SUGT1: variants seen among roughly 807,000 people sequenced by gnomAD.
SUGT1 encodes SGT1 assembly cochaperone of MIS12 kinetochore complex.
SUGT1 carries 15 observed loss-of-function variants against 56.1 expected under a neutral mutation model. That is an observed-to-expected ratio of 0.27 (90% CI 0.18 to 0.41). The LOEUF (loss-of-function observed/expected upper bound fraction) is 0.41. Among genes scored for constraint, SUGT1 ranks in the 10% least tolerant of loss-of-function variants. The pLI is 1.00. For synonymous variants in SUGT1, 123 were observed against 128.6 expected, an observed-to-expected ratio of 0.96 and a Z score of 0.30; for missense variants, 347 against 382.2, an observed-to-expected ratio of 0.91 and a Z score of 0.77.
rs1963907799 is a variant in SUGT1 at position 52,695,651 on chromosome 13, T to C, written c.*7816T>C. 6.6e-6 allele frequency: 1 copy of C among 152,238 alleles called. No individual in the cohort carries two copies. Among genetic ancestry groups the C allele is most frequent in the Non-Finnish European group, 1.5e-5 (1 of 68,044 alleles). The allele number at this position is 152,238 out of a possible 1,614,324, so 9.4% of individuals were successfully genotyped here. ...ACCTGCTATTCAAGAGTTTTCAGAA[T>C]TCAACCCCAGCCAAAATTTTTGGCC... On this transcript the variant is annotated 3_prime_UTR_variant, in exon 13 of 13. Transcript: ENST00000310528.
At chr13:52,658,149 A>G in intron 3 of SUGT1, 1 of 1,415,766 alleles carries the variant, frequency 7.1e-7, no homozygotes, top group Non-Finnish European at 9.2e-7. Flanking sequence ...TTAATGAGAC[A>G]AGGAGGTGAA....
intron 5 of SUGT1, 85 bp from the exon 6 acceptor site, chr13:52,662,564 T>A (rs1260988130): frequency 2.1e-6 from 3 of 1,434,806 alleles, no homozygotes; most frequent in Non-Finnish European, 2.9e-6. Context: ...GAACACTGCC[T>A]GGGATGTAGT....
chr13:52,660,275 T>C (rs2138115228), intron 5 of SUGT1, among the ~76,000 whole-genome samples: 1 of 152,344 alleles, frequency 6.6e-6, no homozygotes, highest in South Asian at 2.1e-4. Flanking sequence ...AAGTGGTTCT[T>C]AACTGGAAAC....
At position 52,696,159 on chromosome 13, in the gene SUGT1, A is replaced by G. The variant is rs145813333; in HGVS notation, c.*8324A>G. 4 of 152,398 alleles carry G rather than the reference A, an allele frequency of 2.6e-5. No homozygotes were observed. The East Asian group carries it at 7.7e-4, about 29-fold the overall frequency. The allele number at this position is 152,398 out of a possible 1,614,324, so 9.4% of individuals were successfully genotyped here. ...GGCGCGGTCTAGCTTCCATCTTTGT[A>G]TGTGTAGCACCTGGTACATAGAGAA... On this transcript the variant is annotated 3_prime_UTR_variant, in exon 13 of 13. Coordinates refer to ENST00000310528, the MANE Select transcript of SUGT1 (RefSeq NM_006704.5).
intron 2 of SUGT1, among the ~76,000 whole-genome samples, chr13:52,656,896 C>T (rs925398176): frequency 5.3e-5 from 8 of 152,284 alleles, no homozygotes; most frequent in African/African-American, 1.9e-4. Flanking sequence ...GCTACCACAC[C>T]TATATGTTGT....
rs1181921275 is a variant in SUGT1, at chr13:52,695,220, C to A, written c.*7385C>A. ...ATGAGCTTAGGCTGAGGATATATAT[C>A]CAGTGGGGGATGAAACATGCTTAAG... is the stretch of plus-strand genomic sequence containing the variant. On this transcript the variant is annotated 3_prime_UTR_variant, in exon 13 of 13. Transcript: ENST00000310528. 6.6e-6 allele frequency: 1 copy of A among 152,056 alleles called. No homozygotes were observed. 9.4% of individuals were successfully genotyped at this position (152,056 alleles called of 1,614,324 possible). A position where few individuals can be genotyped will look rare whatever the true frequency, so the allele number is the denominator to read the frequency against.
Position 52,691,437 on chromosome 13 carries a change from T to C in SUGT1, c.*3602T>C, listed in dbSNP as rs1239908336. On this transcript the variant is annotated 3_prime_UTR_variant, in exon 13 of 13. Coordinates refer to ENST00000310528, the MANE Select transcript of SUGT1 (RefSeq NM_006704.5). Reference sequence around the variant, plus strand: ...TATTCCTTCCTCAGTTATCTACATATCAGATTAGATTATTGATATCTGAGA... The same window carrying C: ...TATTCCTTCCTCAGTTATCTACATACCAGATTAGATTATTGATATCTGAGA... The C allele has an allele frequency of 1.3e-5, 2 of 152,220 alleles. No homozygotes were observed. Among genetic ancestry groups the C allele is most frequent in the Non-Finnish European group, 2.9e-5 (2 of 68,036 alleles). 9.4% of individuals were successfully genotyped at this position (152,220 alleles called of 1,614,324 possible). A position where few individuals can be genotyped will look rare whatever the true frequency, so the allele number is the denominator to read the frequency against.
At chr13:52,669,129 C>T (rs566439960) in intron 10 of SUGT1, among the ~76,000 whole-genome samples, 4 of 152,232 alleles carry the variant, frequency 2.6e-5, no homozygotes, top group South Asian at 2.1e-4. Flanking sequence ...TGCTAAGTGA[C>T]GACTTTTCTT....
chr13:52,676,153 G>A (rs1042731220), intron 10 of SUGT1, 77 bp from the exon 11 acceptor site: 4 of 1,156,112 alleles, frequency 3.5e-6, no homozygotes, highest in Non-Finnish European at 4.9e-6. Context: ...AAACTTTGAT[G>A]ACTTAAGAAA....
At chr13:52,667,116 C>CT (rs1566183672) in intron 10 of SUGT1, among the ~76,000 whole-genome samples, 197 bp downstream of exon 10, 1 of 152,082 alleles carries the variant, frequency 6.6e-6, no homozygotes, top group African/African-American at 2.4e-5. Flanking sequence ...TAAAAATCCA[C>CT]TTAGAGTGTG....
intron 2 of SUGT1, among the ~76,000 whole-genome samples, chr13:52,654,579 C>T (rs1962069743): frequency 6.6e-6 from 1 of 152,176 alleles, no homozygotes; most frequent in South Asian, 2.1e-4. Flanking sequence ...CTCCTTAATG[C>T]GCCTTCTCAG....
In SUGT1 at chr13:52,688,660, G is replaced by A. The variant is rs767570876; in HGVS notation, c.*825G>A. On this transcript the variant is annotated 3_prime_UTR_variant, in exon 13 of 13. Transcript: ENST00000310528. Reference sequence around the variant, plus strand: ...TCCCCATGATTACTTTGGTTTCATTGGTTTATGGTAACTGCTGTGAGAGTA... The same window carrying A: ...TCCCCATGATTACTTTGGTTTCATTAGTTTATGGTAACTGCTGTGAGAGTA... 2 of 151,960 alleles carry A rather than the reference G, an allele frequency of 1.3e-5. No homozygotes were observed. The highest frequency in any genetic ancestry group is 2.9e-5 in the Non-Finnish European group (2 of 68,006). 9.4% of individuals were successfully genotyped at this position (151,960 alleles called of 1,614,324 possible).
intron 2 of SUGT1, among the ~76,000 whole-genome samples, chr13:52,655,117 A>G (rs1898283): frequency 0.99 from 151,198 of 152,322 alleles, 75,042 homozygotes; most frequent in East Asian, 1. Context: ...AGGCCGAGGC[A>G]GGCGGATCAC....
chr13:52,680,224 A>G, intron 12 of SUGT1, 69 bp downstream of exon 12: 2 of 1,445,370 alleles, frequency 1.4e-6, no homozygotes, highest in Non-Finnish European at 1.9e-6. Flanking sequence ...GAAAATTGGT[A>G]ATGTGAGACC....
intron 12 of SUGT1, among the ~76,000 whole-genome samples, chr13:52,680,505 A>T (rs1386447739): frequency 6.6e-6 from 1 of 152,064 alleles, no homozygotes; most frequent in Non-Finnish European, 1.5e-5. Context: ...TATAGATACG[A>T]AACTTTTCAG....
At chr13:52,679,876 T>A in intron 11 of SUGT1, 98 bp from the exon 12 acceptor site, 1 of 1,195,930 alleles carries the variant, frequency 8.4e-7, no homozygotes, top group Non-Finnish European at 1.1e-6. Context: ...CCTAAACTGT[T>A]TGCTAAGATG....
chr13:52,666,636 GA>G (rs1414611112), intron 9 of SUGT1, among the ~76,000 whole-genome samples, 175 bp from the exon 10 acceptor site: 2 of 151,464 alleles, frequency 1.3e-5, no homozygotes, highest in Admixed American at 6.6e-5. Context: ...ATACCAGATG[GA>G]AAAAAAAGGT....
Position 52,699,458 on chromosome 13 carries a change from A to G in SUGT1, c.*11623A>G, listed in dbSNP as rs979188179. 6.6e-6 allele frequency: 1 copy of G among 152,192 alleles called. No homozygotes were observed. The highest frequency in any genetic ancestry group is 2.4e-5 in the African/African-American group (1 of 41,448). 9.4% of individuals were successfully genotyped at this position (152,192 alleles called of 1,614,324 possible). ...TCCGATGATGCCTGTTTAATTACCC[A>G]TAGGTGCTAAGTGAATGTTAAAAAT... is the stretch of plus-strand genomic sequence containing the variant. On this transcript the variant is annotated 3_prime_UTR_variant, in exon 13 of 13. Transcript: ENST00000310528.
chr13:52,680,172 A>G lies in SUGT1; in HGVS notation c.900+17A>G. 1 of 1,547,284 alleles carries G rather than the reference A, an allele frequency of 6.5e-7. No individual in the cohort carries two copies. The highest frequency in any genetic ancestry group is 8.6e-7 in the Non-Finnish European group (1 of 1,157,426). ...AAATCCTTTGTAAGAATATAAACTT[A>G]AAGAAATATATATGGGAGCAAATTT... On this transcript the variant is annotated intron_variant, in intron 12 of 12. Transcript: ENST00000310528.
Sources: allele counts gnomAD v4.1 joint callset (sites outside exome capture counted in the v4.1 genomes callset), GRCh38; gene constraint gnomAD v4.1.1; transcripts MANE v1.5; gene names NCBI Gene and HGNC (gene_info 2026-07-23, HGNC 2026-07-21).